The following FLNC variants were observed in gnomAD, a reference collection of about 807,000 sequenced individuals.
The protein encoded by FLNC is filamin C, also known as filamin-C.
A neutral mutation model predicts 254.3 loss-of-function variants in FLNC; 91 were observed. The observed-to-expected ratio is 0.36, with a 90% CI of 0.30 to 0.43. The LOEUF is 0.43. FLNC is among the 20% of genes least tolerant of loss of function. FLNC has a pLI of 1.00. For synonymous variants in FLNC, 1,430 were observed against 1,577.2 expected, an observed-to-expected ratio of 0.91 and a Z score of 2.21; for missense variants, 2,853 against 3,802.6, an observed-to-expected ratio of 0.75 and a Z score of 6.57.
chr7:128,841,651 C>A lies in FLNC; in HGVS notation c.2121+84C>A. On this transcript the variant is annotated intron_variant, in intron 13 of 47. Transcript: ENST00000325888. This position sits in a 1 kb window ranked among gnomAD's most constrained non-coding sequence, Gnocchi z 4.3. ...AGGGCCAGGCCAGAGGCAGAGGCCT[C>A]CCAGCAGGAAATGACAGCATCACAG... is the stretch of plus-strand genomic sequence containing the variant. The A allele has an allele frequency of 1.0e-6, 1 of 985,372 alleles. No individual in the cohort carries two copies. Among genetic ancestry groups the A allele is most frequent in the Non-Finnish European group, 1.6e-6 (1 of 609,154 alleles). 61.0% of individuals were successfully genotyped at this position (985,372 alleles called of 1,614,324 possible). A position where few individuals can be genotyped will look rare whatever the true frequency, so the allele number is the denominator to read the frequency against.
At chr7:128,846,527 C>A in intron 23 of FLNC, 64 bp downstream of exon 23, 3 of 1,574,892 alleles carry the variant, frequency 1.9e-6, no homozygotes, top group Non-Finnish European at 2.6e-6. Context: ...GCCCTCCTCG[C>A]TCATCCCTCT....
Position 128,852,732 on chromosome 7 carries a change from G to T in FLNC, c.5984G>T (p.Arg1995Leu). ...AACGAGGAGCCCTGCCTGCTGAAGC[G>T]CCTGCCCAACCGGCACATTGGTGAG... is the stretch of plus-strand genomic sequence containing the variant. ...SGNEEPCLLK[R>L]LPNRHIGISF... The change falls in exon 36 of 48, where the codon CGC becomes CTC. Residue 1995 changes from arginine to leucine, a missense_variant. Arg to Leu is a moderately radical substitution (Grantham distance 102, BLOSUM62 -2). Transcript: ENST00000325888. The T allele has an allele frequency of 1.2e-6, 2 of 1,613,126 alleles. No homozygotes were observed. Among genetic ancestry groups the T allele is most frequent in the Non-Finnish European group, 1.7e-6 (2 of 1,179,718 alleles).
chr7:128,848,238 CT>C (rs966963158), intron 26 of FLNC, among the ~76,000 whole-genome samples, 170 bp downstream of exon 26: 1 of 152,152 alleles, frequency 6.6e-6, no homozygotes. Context: ...TGCTGTGAGG[CT>C]TTCCTGCCCC....
intron 8 of FLNC, 57 bp downstream of exon 8, chr7:128,838,860 G>A: frequency 6.5e-7 from 1 of 1,534,608 alleles, no homozygotes; most frequent in South Asian, 1.1e-5. Flanking sequence ...AGGCTTGCAA[G>A]GGGCAGGAGG....
At chr7:128,849,902 T>A in intron 30 of FLNC, 74 bp from the exon 31 acceptor site, 1 of 1,081,260 alleles carries the variant, frequency 9.2e-7, no homozygotes, top group Non-Finnish European at 1.4e-6. Flanking sequence ...TTCAGGTTCC[T>A]GGGCCATTCT....
rs748919727 is a variant in FLNC, at chr7:128,835,380, C to T, written c.407C>T (p.Thr136Met). Reference sequence around the variant, plus strand: ...AAGCTGATCCTGGGCCTGATCTGGACGCTGATCCTGCACTACTCCATCTCC... The same window carrying T: ...AAGCTGATCCTGGGCCTGATCTGGATGCTGATCCTGCACTACTCCATCTCC... ...NLKLILGLIW[T>M]LILHYSISMP... is the part of the protein sequence containing the mutation. Residue 136 changes from threonine (T) to methionine (M), a missense_variant, in exon 2 of 48, where the codon ACG (threonine) becomes ATG (methionine). By Grantham distance (81) the Thr-to-Met change is moderately conservative. This residue lies in a region of FLNC where 115 missense variants were observed against 230.3 expected (regional missense o/e 0.50). Transcript: ENST00000325888. The surrounding 1 kb of genome is among the most constrained non-coding windows in gnomAD (Gnocchi z 5.3). 3.1e-6 allele frequency: 5 copies of T among 1,613,970 alleles called. No homozygotes were observed. Among genetic ancestry groups the T allele is most frequent in the Middle Eastern group, 1.7e-4 (1 of 6,060 alleles).
Position 128,841,583 on chromosome 7 carries a change from G to C in FLNC, c.2121+16G>C. The stretch of plus-strand genomic sequence containing the variant: ...CTATGCCCAGGTAGGTCATTGTCCA[G>C]TCTCTGCTGCCCTTACTACCCATGG... On this transcript the variant is annotated intron_variant, in intron 13 of 47. Transcript: ENST00000325888. This position sits in a 1 kb window ranked among gnomAD's most constrained non-coding sequence, Gnocchi z 4.3. The C allele has an allele frequency of 6.3e-7, 1 of 1,590,366 alleles. No homozygotes were observed. The highest frequency in any genetic ancestry group is 8.6e-7 in the Non-Finnish European group (1 of 1,158,322).
In FLNC at chr7:128,856,956, T is replaced by TG. The variant is rs1178866205; in HGVS notation, c.7561+40dup. 5 of 1,608,918 alleles carry TG rather than the reference T, an allele frequency of 3.1e-6. No individual in the cohort carries two copies. The African/African-American group carries it at 6.7e-5, about 22-fold the overall frequency. On this transcript the variant is annotated intron_variant, in intron 45 of 47. Coordinates refer to ENST00000325888, the MANE Select transcript of FLNC (RefSeq NM_001458.5). This position sits in a 1 kb window ranked among gnomAD's most constrained non-coding sequence, Gnocchi z 5.9. Reference sequence around the variant, plus strand: ...TGGAGCTGGGGAACAGGGTGACTTCTGGGGGTGCTTGGCCACTAGTCTGGT... The same window carrying TG: ...TGGAGCTGGGGAACAGGGTGACTTCTGGGGGGTGCTTGGCCACTAGTCTGGT...
chr7:128,831,091 G>A (rs1807871438), intron 1 of FLNC, 102 bp downstream of exon 1: 1 of 1,106,068 alleles, frequency 9.0e-7, no homozygotes, highest in Non-Finnish European at 1.3e-6. Context: ...GAGAGACAGG[G>A]CGGAGGGCAC....
chr7:128,847,995 G>T lies in FLNC; in HGVS notation c.4507G>T (p.Val1503Phe), dbSNP rs1345005844. The T allele has an allele frequency of 1.7e-5, 28 of 1,609,834 alleles. No individual in the cohort carries two copies. Among genetic ancestry groups the T allele is most frequent in the Non-Finnish European group, 2.4e-5 (28 of 1,178,190 alleles). Residue 1503 changes from valine to phenylalanine, a missense_variant, in exon 26 of 48, where the codon GTC (valine) becomes TTC (phenylalanine). By Grantham distance (50) the Val-to-Phe change is conservative. This residue lies in a region of FLNC where 1,573 missense variants were observed against 1,883.5 expected (regional missense o/e 0.84). Transcript: ENST00000325888. ...GGACAATGGAGATGGCACCCACACT[G>T]TCCACTACACCCCAGCCACTGACGG... is the stretch of plus-strand genomic sequence containing the variant. ...VRDNGDGTHT[V>F]HYTPATDGPY...
chr7:128,838,091 G>A (rs376673507), intron 6 of FLNC, 27 bp downstream of exon 6: 266 of 1,594,406 alleles, frequency 1.7e-4, no homozygotes, highest in Non-Finnish European at 2.2e-4. Flanking sequence ...CCCCCTGCCT[G>A]CGCTGCTCTT....
chr7:128,843,835 G>C lies in FLNC; in HGVS notation c.2851G>C (p.Val951Leu). ...AVTVTYGGDPVPKSPFVVNVA... is the reference protein window; with the variant it reads ...AVTVTYGGDPLPKSPFVVNVA... ...GACAGTGACTTATGGCGGGGACCCT[G>C]TCCCCAAGAGCCCCTTTGTGGTGAA... Residue 951 changes from valine (V) to leucine (L), a missense_variant, in exon 19 of 48, where the codon GTC (valine) becomes CTC (leucine). Around this residue, in one of 10 missense-constraint regions of FLNC, gnomAD observed 1,573 missense variants for 1,883.5 expected, o/e 0.84. Coordinates refer to ENST00000325888, the MANE Select transcript of FLNC (RefSeq NM_001458.5). 1 of 1,613,736 alleles carries C rather than the reference G, an allele frequency of 6.2e-7. No individual in the cohort carries two copies.
Position 128,854,288 on chromosome 7 carries a change from C to CT in FLNC, c.6727+73dup. On this transcript the variant is annotated intron_variant, in intron 40 of 47. Coordinates refer to ENST00000325888, the MANE Select transcript of FLNC (RefSeq NM_001458.5). ...AGGGTGCTGCGGACCAGGCTTGATG[C>CT]TGGCAGACTGGCCCCGAAGGCCAGG... 3 of 1,604,948 alleles carry CT rather than the reference C, an allele frequency of 1.9e-6. No individual in the cohort carries two copies. In the South Asian group the frequency reaches 3.3e-5, roughly 18 times the overall value.
intron 30 of FLNC, 63 bp from the exon 31 acceptor site, chr7:128,849,913 C>CT: frequency 8.4e-7 from 1 of 1,190,312 alleles, no homozygotes; most frequent in Non-Finnish European, 1.2e-6. Flanking sequence ...GGGCCATTCT[C>CT]TGAGTCAGCC....
In FLNC at chr7:128,842,644, C is replaced by T. The variant is rs2128935691; in HGVS notation, c.2335C>T (p.Leu779Phe). Residue 779 changes from leucine to phenylalanine, a missense_variant, in exon 15 of 48, where the codon CTC becomes TTC. By Grantham distance (22) the Leu-to-Phe change is conservative. Coordinates refer to ENST00000325888, the MANE Select transcript of FLNC (RefSeq NM_001458.5). This position sits in a 1 kb window ranked among gnomAD's most constrained non-coding sequence, Gnocchi z 5.4. ...VYGPGVEKTG[L>F]KANEPTYFTV... ...CGGCCCCGGAGTGGAGAAGACAGGC[C>T]TCAAGGCCAATGAGCCCACCTACTT... 1 of 1,551,954 alleles carries T rather than the reference C, an allele frequency of 6.4e-7. No individual in the cohort carries two copies. Among genetic ancestry groups the T allele is most frequent in the Non-Finnish European group, 8.7e-7 (1 of 1,147,618 alleles).
At position 128,845,130 on chromosome 7, in the gene FLNC, G is replaced by T. The variant is rs751826605; in HGVS notation, c.3665G>T (p.Gly1222Val). 1.9e-6 allele frequency: 3 copies of T among 1,613,954 alleles called. No individual in the cohort carries two copies. The highest frequency in any genetic ancestry group is 2.5e-6 in the Non-Finnish European group (3 of 1,180,034). ...YHITYSPAFP[G>V]TYTITIKYGG... ...ATCACCTACAGCCCTGCCTTCCCTG[G>T]CACCTACACCATTACCATCAAGTAT... The change falls in exon 21 of 48, where the codon GGC becomes GTC. Residue 1222 changes from glycine to valine, a missense_variant. By Grantham distance (109) the Gly-to-Val change is moderately radical. Coordinates refer to ENST00000325888, the MANE Select transcript of FLNC (RefSeq NM_001458.5).
Position 128,835,384 on chromosome 7 carries a change from G to A in FLNC, c.411G>A (p.Leu137=). 1 of 1,614,104 alleles carries A rather than the reference G, an allele frequency of 6.2e-7. No individual in the cohort carries two copies. Among genetic ancestry groups the A allele is most frequent in the East Asian group, 2.2e-5 (1 of 44,880 alleles). ...TGATCCTGGGCCTGATCTGGACGCT[G>A]ATCCTGCACTACTCCATCTCCATGC... is the stretch of plus-strand genomic sequence containing the variant. ...LKLILGLIWT[L]ILHYSISMPM... is the part of the protein sequence containing the mutation. The change falls in exon 2 of 48, where the codon CTG becomes CTA. Residue 137 remains leucine (L), a synonymous_variant. Coordinates refer to ENST00000325888, the MANE Select transcript of FLNC (RefSeq NM_001458.5). The surrounding 1 kb of genome is among the most constrained non-coding windows in gnomAD (Gnocchi z 5.3).
chr7:128,843,032 A>T lies in FLNC; in HGVS notation c.2550+78A>T. On this transcript the variant is annotated intron_variant, in intron 16 of 47. Coordinates refer to ENST00000325888, the MANE Select transcript of FLNC (RefSeq NM_001458.5). Reference sequence around the variant, plus strand: ...GCAGCTGGAGATGCTGTCACTGGGAACAGGGAGGGATGATTCCGCAGACAT... The same window carrying T: ...GCAGCTGGAGATGCTGTCACTGGGATCAGGGAGGGATGATTCCGCAGACAT... 2.6e-6 allele frequency: 4 copies of T among 1,547,110 alleles called. No individual in the cohort carries two copies. In the South Asian group the frequency reaches 4.5e-5, roughly 18 times the overall value.
chr7:128,857,433 A>G lies in FLNC; in HGVS notation c.7780+97A>G. 2.6e-6 allele frequency: 2 copies of G among 756,572 alleles called. No individual in the cohort carries two copies. Among genetic ancestry groups the G allele is most frequent in the Non-Finnish European group, 4.6e-6 (2 of 435,568 alleles). The allele number at this position is 756,572 out of a possible 1,614,324, so 46.9% of individuals were successfully genotyped here. On this transcript the variant is annotated intron_variant, in intron 46 of 47. Coordinates refer to ENST00000325888, the MANE Select transcript of FLNC (RefSeq NM_001458.5). This position sits in a 1 kb window ranked among gnomAD's most constrained non-coding sequence, Gnocchi z 4.5. ...CACATCTAGGCCATAGTCTGCCCCC[A>G]GACATCATGGTCAGTTTACCAGGGC... is the stretch of plus-strand genomic sequence containing the variant.
Sources: allele counts gnomAD v4.1 joint callset (sites outside exome capture counted in the v4.1 genomes callset), GRCh38; gene constraint gnomAD v4.1.1; regional missense constraint gnomAD v4.1.1; non-coding constraint Gnocchi (gnomAD v3.1); transcripts MANE v1.5; gene names NCBI Gene and HGNC (gene_info 2026-07-23, HGNC 2026-07-21).